Variants in SYTL2 observed in about 807,000 individuals in gnomAD.
SYTL2 encodes synaptotagmin like 2.
In SYTL2, 165 loss-of-function variants were observed where a neutral mutation model predicts 198.7. That is an observed-to-expected ratio of 0.83 (90% CI 0.73 to 0.94). The LOEUF is 0.94. Among genes scored for constraint, SYTL2 ranks in the 40% least tolerant of loss-of-function variants. The probability of loss-of-function intolerance (pLI) is 0.00; values close to 1 mark genes in which losing one functional copy is unlikely to be tolerated. For synonymous variants in SYTL2, 966 were observed against 917.7 expected, an observed-to-expected ratio of 1.05 and a Z score of -0.95; for missense variants, 2,835 against 2,582.8, an observed-to-expected ratio of 1.10 and a Z score of -2.12.
intron 1 of SYTL2, among the ~76,000 whole-genome samples, chr11:85,763,805 C>G (rs2092162535): frequency 6.6e-6 from 1 of 152,194 alleles, no homozygotes; most frequent in Admixed American, 6.5e-5. Flanking sequence ...AGGCTCATCC[C>G]CACCGGAACA....
rs770631976 is a variant in SYTL2 at position 85,724,328 on chromosome 11, T to G, written c.5030A>C (p.Lys1677Thr). The G allele has an allele frequency of 6.3e-7, 1 of 1,582,326 alleles. No individual in the cohort carries two copies. Among genetic ancestry groups the G allele is most frequent in the Non-Finnish European group, 8.6e-7 (1 of 1,167,008 alleles). Reference protein sequence around the residue: ...LYVAHEIGTIKTVTPPEDRDS... With the variant: ...LYVAHEIGTITTVTPPEDRDS... ...CCTGTCCTCTGGGGGGGTTACAGTT[T>G]TAATGGTCCCTATTTCATGAGCCAC... Residue 1677 changes from lysine (K) to threonine (T), a missense_variant, in exon 8 of 20, where the codon AAA (lysine) becomes ACA (threonine). By Grantham distance (78) the Lys-to-Thr change is moderately conservative. Around this residue, in one of 3 missense-constraint regions of SYTL2, gnomAD observed 2,645 missense variants for 2,381.7 expected, o/e 1.11. Transcript: ENST00000359152.
At chr11:85,808,497 G>A (rs972222389) in intron 1 of SYTL2, among the ~76,000 whole-genome samples, 4 of 152,042 alleles carry the variant, frequency 2.6e-5, no homozygotes, top group African/African-American at 7.2e-5. Context: ...GGAAAAAAGT[G>A]GATGTCTCCC....
intron 1 of SYTL2, among the ~76,000 whole-genome samples, chr11:85,790,652 G>C (rs933690875): frequency 6.6e-6 from 1 of 152,130 alleles, no homozygotes; most frequent in Admixed American, 6.6e-5. Flanking sequence ...CATGATTCCA[G>C]GGATTCTACA....
Position 85,757,872 on chromosome 11 carries a change from C to A in SYTL2, c.-147G>T. The A allele has an allele frequency of 8.1e-7, 1 of 1,230,340 alleles. No homozygotes were observed. Among genetic ancestry groups the A allele is most frequent in the Non-Finnish European group, 1.1e-6 (1 of 893,904 alleles). 76.2% of individuals were successfully genotyped at this position (1,230,340 alleles called of 1,614,324 possible). A position where few individuals can be genotyped will look rare whatever the true frequency, so the allele number is the denominator to read the frequency against. ...GCATCAAAGTCTTATTTTGGCTCAG[C>A]AAAAGTTTAGGGCAGCTGATAGCAA... On this transcript the variant is annotated 5_prime_UTR_variant, in exon 2 of 20. Coordinates refer to ENST00000359152, the MANE Select transcript of SYTL2 (RefSeq NM_206927.4).
the SYTL2 span, among the ~76,000 whole-genome samples, chr11:85,821,305 T>C: frequency 1.3e-5 from 2 of 152,188 alleles, no homozygotes; most frequent in African/African-American, 4.8e-5. Flanking sequence ...TTCTAAAATA[T>C]TAAGTATCAC....
At chr11:85,807,537 C>T (rs1438906304) in intron 1 of SYTL2, among the ~76,000 whole-genome samples, 1 of 152,192 alleles carries the variant, frequency 6.6e-6, no homozygotes, top group Non-Finnish European at 1.5e-5. Context: ...TGGAAACCAG[C>T]TCAGAGAAGC....
At chr11:85,773,408 T>G (rs2092395351) in intron 1 of SYTL2, among the ~76,000 whole-genome samples, 1 of 152,268 alleles carries the variant, frequency 6.6e-6, no homozygotes, top group African/African-American at 2.4e-5. Context: ...AAGGTCTTTC[T>G]CCAGCTTCTT....
chr11:85,839,132 T>A, the SYTL2 span, among the ~76,000 whole-genome samples: 1 of 152,214 alleles, frequency 6.6e-6, no homozygotes, highest in Non-Finnish European at 1.5e-5. Flanking sequence ...AGTTATCCCA[T>A]GAACATACAA....
At chr11:85,744,963 A>T (rs2091049022) in intron 4 of SYTL2, among the ~76,000 whole-genome samples, 1 of 152,070 alleles carries the variant, frequency 6.6e-6, no homozygotes, top group Non-Finnish European at 1.5e-5. Context: ...GATTGGTCAG[A>T]TAACAACATG....
At chr11:85,724,007 G>T (rs1006267110) in intron 8 of SYTL2, 25 bp downstream of exon 8, 1 of 1,372,218 alleles carries the variant, frequency 7.3e-7, no homozygotes, top group Non-Finnish European at 9.6e-7. Flanking sequence ...GACTCACTGT[G>T]AGTTAAAAAA....
upstream of SYTL2, among the ~76,000 whole-genome samples, chr11:85,811,648 G>A (rs1055114158): frequency 2.6e-5 from 4 of 152,168 alleles, no homozygotes; most frequent in Non-Finnish European, 5.9e-5. Context: ...AAAAGTTGTT[G>A]AGAGGACTAA....
chr11:85,695,534 A>G (rs1234069688), intron 19 of SYTL2, among the ~76,000 whole-genome samples, 194 bp from the exon 20 acceptor site: 3 of 152,230 alleles, frequency 2.0e-5, no homozygotes, highest in Admixed American at 6.5e-5. Flanking sequence ...AATCATTACC[A>G]TAATTCCTAG....
chr11:85,851,123 A>G, the SYTL2 span, among the ~76,000 whole-genome samples: 13 of 151,984 alleles, frequency 8.6e-5, no homozygotes, highest in East Asian at 2.5e-3. Flanking sequence ...ACATGTATAC[A>G]TATGTATCTA....
Position 85,752,984 on chromosome 11 carries a change from A to G in SYTL2, c.102-4561T>C, listed in dbSNP as rs948798702. On this transcript the variant is annotated intron_variant, in intron 2 of 19. Transcript: ENST00000359152. ...AGGTCTAAGGAGGCAGCTGAGAATC[A>G]TAAGATGTGGTGGCGGTTGAGATCG... 2.1e-5 allele frequency among the ~76,000 whole-genome samples: 3 copies of G among 145,962 alleles called. No individual in the cohort carries two copies. The East Asian group carries it at 6.1e-4, about 29-fold the overall frequency.
At chr11:85,814,555 A>G (rs994027871), upstream of SYTL2, among the ~76,000 whole-genome samples, 1 of 152,322 alleles carries the variant, frequency 6.6e-6, no homozygotes, top group African/African-American at 2.4e-5. Flanking sequence ...TTGTAGCTCT[A>G]TGGAACTGAA....
At chr11:85,763,557 A>G (rs2092154210) in intron 1 of SYTL2, among the ~76,000 whole-genome samples, 1 of 152,194 alleles carries the variant, frequency 6.6e-6, no homozygotes, top group Admixed American at 6.5e-5. Context: ...TAACACAGAT[A>G]GCATCTTCTG....
At chr11:85,838,804 A>T in the SYTL2 span, among the ~76,000 whole-genome samples, 1 of 152,214 alleles carries the variant, frequency 6.6e-6, no homozygotes, top group Non-Finnish European at 1.5e-5. Context: ...ATCAGCAAAG[A>T]TATCTCCACA....
chr11:85,818,192 C>A, the SYTL2 span, among the ~76,000 whole-genome samples: 19 of 152,142 alleles, frequency 1.2e-4, no homozygotes, highest in African/African-American at 4.1e-4. Context: ...CGTGAGCCAC[C>A]GTGCCTGGCC....
the SYTL2 span, chr11:85,853,469 CCTT>C: frequency 2.9e-6 from 1 of 339,568 alleles, no homozygotes. Flanking sequence ...GCAGCATGCT[CCTT>C]AAGAGTCATC....
Sources: gnomAD v4.1 joint callset for allele counts (sites outside exome capture counted in the v4.1 genomes callset) on GRCh38, gnomAD v4.1.1 for gene constraint, gnomAD v4.1.1 regional missense constraint, MANE v1.5 for transcripts, NCBI Gene and HGNC (gene_info 2026-07-23, HGNC 2026-07-21) for gene names.